The following C5orf34 variants were observed in gnomAD, a reference collection of about 807,000 sequenced individuals.
C5orf34 encodes the protein chromosome 5 open reading frame 34.
A neutral mutation model predicts 78.4 loss-of-function variants in C5orf34; 73 were observed. That is an observed-to-expected ratio of 0.93 (90% confidence interval 0.77 to 1.13). The LOEUF (loss-of-function observed/expected upper bound fraction) is 1.13, where lower values mean the gene tolerates loss of function less well. Among genes scored for constraint, C5orf34 ranks in the 50% most tolerant of loss-of-function variants. The pLI is 0.00. For synonymous variants in C5orf34, 251 were observed against 246.6 expected, an observed-to-expected ratio of 1.02 and a Z score of -0.17; for missense variants, 730 against 732.7, an observed-to-expected ratio of 1.00 and a Z score of 0.04.
At chr5:43,487,970 A>C in intron 11 of C5orf34, 21 bp from the exon 12 acceptor site, 1 of 1,590,292 alleles carries the variant, frequency 6.3e-7, no homozygotes, top group Non-Finnish European at 8.6e-7. Flanking sequence ...AAAAAGAAAA[A>C]ATTCATTCAG....
At chr5:43,504,357 C>G (rs1019763230) in intron 4 of C5orf34, among the ~76,000 whole-genome samples, 1 of 151,254 alleles carries the variant, frequency 6.6e-6, no homozygotes, top group African/African-American at 2.4e-5. Flanking sequence ...GCTATACACA[C>G]TGTGGATATA....
intron 10 of C5orf34, among the ~76,000 whole-genome samples, chr5:43,491,039 G>A (rs1241599852): frequency 6.6e-6 from 1 of 152,060 alleles, no homozygotes; most frequent in African/African-American, 2.4e-5. Context: ...AATTCTTTTA[G>A]TTTTTCAAAG....
intron 11 of C5orf34, among the ~76,000 whole-genome samples, chr5:43,489,437 A>G (rs1401799287): frequency 4.6e-5 from 7 of 152,142 alleles, no homozygotes. Context: ...ACCTTTAGCT[A>G]CTATCACCAA....
chr5:43,496,482 C>T (rs1246021454), intron 6 of C5orf34: 15 of 1,515,392 alleles, frequency 9.9e-6, no homozygotes, highest in South Asian at 2.6e-5. Flanking sequence ...GTTTTCACAA[C>T]ACCTGTGTTC....
intron 6 of C5orf34, chr5:43,495,317 C>A: frequency 1.2e-6 from 2 of 1,611,502 alleles, no homozygotes; most frequent in Non-Finnish European, 1.7e-6. Flanking sequence ...ACCAGAACCG[C>A]GATCAATCTT....
intron 12 of C5orf34, 52 bp downstream of exon 12, chr5:43,487,857 T>G: frequency 7.4e-7 from 1 of 1,358,676 alleles, no homozygotes; most frequent in East Asian, 2.3e-5. Flanking sequence ...GAATTAAGCC[T>G]AGAATGAAAG....
chr5:43,497,776 T>A lies in C5orf34; in HGVS notation c.1153-3175A>T, dbSNP rs1379769251. Among the ~76,000 whole-genome samples, 3 of 152,210 alleles carry A rather than the reference T, an allele frequency of 2.0e-5. No individual in the cohort carries two copies. In the East Asian group the frequency reaches 5.8e-4, roughly 29 times the overall value. On this transcript the variant is annotated intron_variant, in intron 6 of 12. Coordinates refer to ENST00000306862, the MANE Select transcript of C5orf34 (RefSeq NM_198566.4). ...TGGTCTACAGACCTGACTATCTAAA[T>A]CTCTATTGGGCTTCTCTTTTGGCTA...
rs1745137160 is a variant in C5orf34, at chr5:43,488,175, C to T, written c.1680-226G>A. ...AATAAAAGTCTACCCCTTGTAAATC[C>T]ACTTCAAGGAATTTGTAATCAAATA... On this transcript the variant is annotated intron_variant, in intron 11 of 12. Transcript: ENST00000306862. 6 of 513,408 alleles carry T rather than the reference C, an allele frequency of 1.2e-5. No homozygotes were observed. The South Asian group carries it at 1.7e-4, about 15-fold the overall frequency. 31.8% of individuals were successfully genotyped at this position (513,408 alleles called of 1,614,324 possible).
intron 7 of C5orf34, among the ~76,000 whole-genome samples, chr5:43,494,138 A>G (rs1353283980): frequency 2.6e-5 from 4 of 152,292 alleles, no homozygotes; most frequent in Non-Finnish European, 5.9e-5. Context: ...ATATTTTCAG[A>G]AATCTATTAC....
Position 43,508,667 on chromosome 5 carries a change from CT to C in C5orf34, c.196-2del. On this transcript the variant is annotated splice_acceptor_variant, in intron 2 of 12. Transcript: ENST00000306862. LOFTEE classifies it high-confidence loss of function. The stretch of plus-strand genomic sequence containing the variant: ...AATCTAGGGCTCGCTGTAGTTGCTC[CT>C]ATGAAAAGAAATATAAAATGTAACC... 2 of 1,568,096 alleles carry C rather than the reference CT, an allele frequency of 1.3e-6. No individual in the cohort carries two copies. Among genetic ancestry groups the C allele is most frequent in the Non-Finnish European group, 1.8e-6 (2 of 1,140,958 alleles).
Position 43,503,595 on chromosome 5 carries a change from C to T in C5orf34, c.1028+70G>A, listed in dbSNP as rs80240416. On this transcript the variant is annotated intron_variant, in intron 5 of 12. Transcript: ENST00000306862. The stretch of plus-strand genomic sequence containing the variant: ...CTTCTGAGAGTCTGTCTATAAGGCT[C>T]GTCCCATCTTCTCTGTGACATCAAT... 2.4e-3 allele frequency: 2,402 copies of T among 989,832 alleles called. 4 individuals carry two copies. Among genetic ancestry groups the T allele is most frequent in the Non-Finnish European group, 3.0e-3 (1,831 of 612,686 alleles). The allele number at this position is 989,832 out of a possible 1,614,324, so 61.3% of individuals were successfully genotyped here. A position where few individuals can be genotyped will look rare whatever the true frequency, so the allele number is the denominator to read the frequency against.
intron 3 of C5orf34, 103 bp downstream of exon 3, chr5:43,508,474 C>G: frequency 1.5e-6 from 1 of 672,920 alleles, no homozygotes; most frequent in Non-Finnish European, 2.6e-6. Flanking sequence ...AGCAATGTAT[C>G]CCCAGGTGTC....
intron 3 of C5orf34, among the ~76,000 whole-genome samples, chr5:43,507,688 G>T (rs1385355159): frequency 6.6e-6 from 1 of 152,216 alleles, no homozygotes; most frequent in African/African-American, 2.4e-5. Context: ...AGTTTACAGA[G>T]TCAGATAGAC....
intron 3 of C5orf34, 60 bp from the exon 4 acceptor site, chr5:43,506,454 TATATTTG>T (rs1745991832): frequency 1.2e-5 from 18 of 1,458,654 alleles, no homozygotes; most frequent in Middle Eastern, 3.8e-4. Flanking sequence ...AATTTTTCCA[TATATTTG>T]ATATTTAAGT....
intron 1 of C5orf34, among the ~76,000 whole-genome samples, chr5:43,512,026 T>TAAAA: frequency 8.4e-6 from 1 of 119,578 alleles, no homozygotes; most frequent in African/African-American, 3.2e-5. Context: ...AATGATCAAC[T>TAAAA]AAAAAAAAAA....
At chr5:43,498,759 TAAC>T (rs1745644725) in intron 6 of C5orf34, among the ~76,000 whole-genome samples, 1 of 152,208 alleles carries the variant, frequency 6.6e-6, no homozygotes, top group Non-Finnish European at 1.5e-5. Context: ...TGAAATAATC[TAAC>T]AAAAATCTGA....
At chr5:43,492,647 G>A (rs1328938368) in intron 9 of C5orf34, 73 bp downstream of exon 9, 12 of 1,257,382 alleles carry the variant, frequency 9.5e-6, no homozygotes, top group East Asian at 2.3e-5. Context: ...AAATAGTGTG[G>A]TACTTTGTTT....
chr5:43,500,881 T>C (rs1277372263), intron 6 of C5orf34, among the ~76,000 whole-genome samples: 1 of 152,222 alleles, frequency 6.6e-6, no homozygotes, highest in Non-Finnish European at 1.5e-5. Flanking sequence ...CTTTAATTCA[T>C]CTGAAATTTA....
chr5:43,488,967 T>C (rs939842257), intron 11 of C5orf34, among the ~76,000 whole-genome samples: 11 of 152,070 alleles, frequency 7.2e-5, no homozygotes, highest in Non-Finnish European at 1.2e-4. Flanking sequence ...TGTCAGCTTG[T>C]ACTCTTTCCC....
Sources: gnomAD v4.1 joint callset for allele counts (sites outside exome capture counted in the v4.1 genomes callset) on GRCh38, gnomAD v4.1.1 for gene constraint, MANE v1.5 for transcripts, NCBI Gene and HGNC (gene_info 2026-07-23, HGNC 2026-07-21) for gene names.